Variants in CUBN observed in about 807,000 individuals in gnomAD.
CUBN encodes cubilin.
CUBN carries 282 observed loss-of-function variants against 405.3 expected under a neutral mutation model. The observed-to-expected ratio is 0.70, with a 90% CI of 0.63 to 0.77. The LOEUF is 0.77. CUBN is among the 30% of genes least tolerant of loss of function. The pLI, the probability that CUBN is intolerant of heterozygous loss-of-function variation, is 0.00. For synonymous variants in CUBN, 1,684 were observed against 1,617.0 expected (o/e 1.04, Z -0.99); for missense variants, 4,514 against 4,475.2 (o/e 1.01, Z -0.25).
chr10:16,858,838 G>C (rs1839936433), intron 59 of CUBN, among the ~76,000 whole-genome samples: 1 of 152,178 alleles, frequency 6.6e-6, no homozygotes, highest in South Asian at 2.1e-4. Context: ...ATGTCCAACT[G>C]ATTTTTTTCA....
Position 17,033,045 on chromosome 10 carries a change from T to C in CUBN, c.4017+7988A>G, listed in dbSNP as rs117559030. 1.8e-3 allele frequency among the ~76,000 whole-genome samples: 272 copies of C among 151,286 alleles called. 1 individual carries two copies. The highest frequency in any genetic ancestry group is 6.2e-3 in the Admixed American group (95 of 15,294). On this transcript the variant is annotated intron_variant, in intron 27 of 66. Coordinates refer to ENST00000377833, the MANE Select transcript of CUBN (RefSeq NM_001081.4). The stretch of plus-strand genomic sequence containing the variant: ...AATCCCCTTACTGGGTCTCCACCGT[T>C]ACTCTTACCTCCCTCCAGTTTATTC...
chr10:16,957,367 T>C (rs1843093890), intron 31 of CUBN, among the ~76,000 whole-genome samples: 1 of 152,194 alleles, frequency 6.6e-6, no homozygotes, highest in African/African-American at 2.4e-5. Flanking sequence ...AATGACAGGA[T>C]TGTGTTCATT....
chr10:16,900,948 A>G, intron 52 of CUBN, 98 bp from the exon 53 acceptor site: 1 of 913,238 alleles, frequency 1.1e-6, no homozygotes. Flanking sequence ...TTATTTTTAT[A>G]ATTTGTATTT....
chr10:17,129,427 C>T (rs1301723407), intron 1 of CUBN, among the ~76,000 whole-genome samples, 177 bp from the exon 2 acceptor site: 2 of 152,222 alleles, frequency 1.3e-5, no homozygotes, highest in East Asian at 1.9e-4. Context: ...CTCAGAGATA[C>T]CTCCTGGCAA....
At chr10:17,034,470 G>C (rs1834851713) in intron 27 of CUBN, among the ~76,000 whole-genome samples, 1 of 152,138 alleles carries the variant, frequency 6.6e-6, no homozygotes, top group South Asian at 2.1e-4. Flanking sequence ...CCCTCCCCAG[G>C]AGAGAGCATT....
Position 16,928,300 on chromosome 10 carries a change from T to C in CUBN, c.6128A>G (p.Asp2043Gly), listed in dbSNP as rs764426984. The change falls in exon 41 of 67, where the codon GAT (aspartate) becomes GGT (glycine). Residue 2043 changes from aspartate (D) to glycine (G), a missense_variant. Transcript: ENST00000377833. ...AYDSLVIRDGDNNLAQQLAVL... is the reference protein window; with the variant it reads ...AYDSLVIRDGGNNLAQQLAVL... ...TGCTAGCTGCTGGGCCAAGTTATTA[T>C]CTCCTACGTTGAAAGAAAGGGAACA... 7 of 1,613,732 alleles carry C rather than the reference T, an allele frequency of 4.3e-6. No homozygotes were observed. The highest frequency in any genetic ancestry group is 5.9e-6 in the Non-Finnish European group (7 of 1,179,830).
chr10:16,943,356 T>C (rs1842707351), intron 36 of CUBN, among the ~76,000 whole-genome samples: 1 of 152,174 alleles, frequency 6.6e-6, no homozygotes, highest in South Asian at 2.1e-4. Context: ...TCAGGATATA[T>C]CCACATCAGA....
intron 17 of CUBN, among the ~76,000 whole-genome samples, chr10:17,081,785 A>G (rs1835975478): frequency 6.6e-6 from 1 of 152,198 alleles, no homozygotes; most frequent in Admixed American, 6.5e-5. Context: ...CTTTGACAAT[A>G]ACTAGAGTTT....
intron 59 of CUBN, among the ~76,000 whole-genome samples, chr10:16,862,661 A>T (rs561404079): frequency 6.6e-6 from 1 of 152,342 alleles, no homozygotes; most frequent in African/African-American, 2.4e-5. Context: ...TTTATTGCTC[A>T]CTGCATATAT....
At chr10:17,056,522 T>C (rs550472168) in intron 22 of CUBN, among the ~76,000 whole-genome samples, 76 of 151,772 alleles carry the variant, frequency 5.0e-4, no homozygotes, top group African/African-American at 1.8e-3. Flanking sequence ...GGCAAGAGAA[T>C]GGCGTGAACC....
chr10:17,100,980 T>C (rs1217025939), intron 13 of CUBN, among the ~76,000 whole-genome samples: 1 of 152,190 alleles, frequency 6.6e-6, no homozygotes, highest in African/African-American at 2.4e-5. Context: ...TAATATAACT[T>C]ATAAAACGTA....
chr10:17,120,095 C>G (rs902471593), intron 6 of CUBN, among the ~76,000 whole-genome samples: 7 of 152,222 alleles, frequency 4.6e-5, no homozygotes, highest in Non-Finnish European at 1.0e-4. Context: ...TTCTGAGGCT[C>G]AAGTTTTCTT....
rs533809282 is a variant in CUBN at position 16,982,489 on chromosome 10, T to A, written c.4690A>T (p.Ile1564Phe). ...DFDLEPQDSC[I>F]MAYDGLSSTM... ...TTGAAATTTATGTCACTTACCATAA[T>A]ACAAGAGTCTTGTGGTTCAAGATCA... is the stretch of plus-strand genomic sequence containing the variant. The change falls in exon 31 of 67, where the codon ATT becomes TTT. Residue 1564 changes from isoleucine (I) to phenylalanine (F), a missense_variant. By Grantham distance (21) the Ile-to-Phe change is conservative (BLOSUM62 0). Around this residue, in one of 5 missense-constraint regions of CUBN, gnomAD observed 1,613 missense variants for 1,542.8 expected, o/e 1.05. Coordinates refer to ENST00000377833, the MANE Select transcript of CUBN (RefSeq NM_001081.4). 1.1e-4 allele frequency: 183 copies of A among 1,613,214 alleles called. 1 individual carries two copies. Among genetic ancestry groups the A allele is most frequent in the South Asian group, 1.0e-3 (95 of 91,074 alleles).
At chr10:16,901,912 TATATATAC>T (rs1209362319) in intron 51 of CUBN, among the ~76,000 whole-genome samples, 7 of 77,990 alleles carry the variant, frequency 9.0e-5, no homozygotes, top group African/African-American at 1.6e-4. Context: ...TATATATATA[TATATATAC>T]ACACACACAC....
rs145061533 is a variant in CUBN, at chr10:16,954,491, G to A, written c.4753C>T (p.Gln1585Ter). 5.0e-6 allele frequency: 8 copies of A among 1,613,934 alleles called. No individual in the cohort carries two copies. Among genetic ancestry groups the A allele is most frequent in the Admixed American group, 3.3e-5 (2 of 59,988 alleles). Residue 1585 changes from glutamine (Q) to a stop codon, truncating the protein, a stop_gained, in exon 32 of 67, where the codon CAG becomes TAG. Coordinates refer to ENST00000377833, the MANE Select transcript of CUBN (RefSeq NM_001081.4). LOFTEE classifies it high-confidence loss of function. ...GAGGAGACGATGGGGTTAGCCAGCT[G>A]CTCCCTTCCACACGTCCTGGCAAGG... ...SRLARTCGRE[Q>*]LANPIVSSGN...
chr10:16,841,335 C>T (rs758745250), intron 60 of CUBN, among the ~76,000 whole-genome samples: 41 of 152,102 alleles, frequency 2.7e-4, no homozygotes, highest in Non-Finnish European at 5.1e-4. Flanking sequence ...ACCTCTGCAC[C>T]GACTCACACT....
At chr10:16,897,131 C>T (rs1841207514) in intron 54 of CUBN, among the ~76,000 whole-genome samples, 1 of 152,198 alleles carries the variant, frequency 6.6e-6, no homozygotes, top group Non-Finnish European at 1.5e-5. Flanking sequence ...TATATTTCAA[C>T]ATCTGATTTA....
intron 28 of CUBN, among the ~76,000 whole-genome samples, chr10:17,013,916 T>C (rs1834255630): frequency 6.6e-6 from 1 of 152,216 alleles, no homozygotes; most frequent in Non-Finnish European, 1.5e-5. Context: ...TAAAAGATCA[T>C]CTCAGGCTGC....
intron 41 of CUBN, 130 bp downstream of exon 41, chr10:16,928,027 G>A (rs561106307): frequency 1.5e-5 from 15 of 1,005,774 alleles, no homozygotes; most frequent in Non-Finnish European, 2.1e-5. Flanking sequence ...CAGAGCCTGG[G>A]CAGAGACCCA....
Sources: allele counts gnomAD v4.1 joint callset (sites outside exome capture counted in the v4.1 genomes callset), GRCh38; gene constraint gnomAD v4.1.1; regional missense constraint gnomAD v4.1.1; transcripts MANE v1.5; gene names NCBI Gene and HGNC (gene_info 2026-07-23, HGNC 2026-07-21).